Variants in RNF130 observed in about 807,000 individuals in gnomAD.
The protein encoded by RNF130 is E3 ubiquitin-protein ligase RNF130.
RNF130 carries 21 observed loss-of-function variants against 44.6 expected under a neutral mutation model. The observed-to-expected ratio is 0.47, with a 90% CI of 0.33 to 0.68. RNF130 has a LOEUF of 0.68. RNF130 is among the 30% of genes least tolerant of loss of function. RNF130 has a pLI of 0.02. For synonymous variants in RNF130, 214 were observed against 210.4 expected (o/e 1.02, Z -0.15); for missense variants, 479 against 560.6 (o/e 0.85, Z 1.47).
chr5:179,997,485 G>A (rs1279232761), intron 3 of RNF130, among the ~76,000 whole-genome samples: 5 of 151,774 alleles, frequency 3.3e-5, no homozygotes, highest in African/African-American at 7.3e-5. Flanking sequence ...CACCACACCC[G>A]GCTAATTTAT....
At chr5:179,926,743 G>A (rs968019776) in intron 7 of RNF130, among the ~76,000 whole-genome samples, 1 of 152,224 alleles carries the variant, frequency 6.6e-6, no homozygotes, top group Admixed American at 6.5e-5. Context: ...TGGGCACCCT[G>A]ACTCATAGCC....
intron 7 of RNF130, among the ~76,000 whole-genome samples, chr5:179,922,065 G>A (rs981442655): frequency 6.6e-6 from 1 of 151,454 alleles, no homozygotes; most frequent in Non-Finnish European, 1.5e-5. Flanking sequence ...TGGCCCTACC[G>A]GCAGCCTATG....
chr5:179,999,800 A>G (rs141932286), intron 3 of RNF130, among the ~76,000 whole-genome samples: 2,031 of 152,322 alleles, frequency 0.013, 18 homozygotes, highest in Admixed American at 0.025. Flanking sequence ...TAAAAATTTC[A>G]TTTCACCAGT....
intron 1 of RNF130, among the ~76,000 whole-genome samples, chr5:180,046,013 C>T (rs906447934): frequency 1.3e-5 from 2 of 152,176 alleles, no homozygotes; most frequent in Non-Finnish European, 1.5e-5. Context: ...GGGCAGCGCT[C>T]GCCGGGGAGG....
chr5:179,939,935 CTTT>C (rs983574576), intron 7 of RNF130: 9 of 243,314 alleles, frequency 3.7e-5, no homozygotes, highest in South Asian at 2.2e-4. Flanking sequence ...TCTAATCCTT[CTTT>C]GTCATAAACG....
intron 2 of RNF130, among the ~76,000 whole-genome samples, chr5:180,031,452 A>C (rs1356605031): frequency 6.6e-6 from 1 of 151,968 alleles, no homozygotes; most frequent in Non-Finnish European, 1.5e-5. Flanking sequence ...ACACCACTGC[A>C]CTCCAGCCTG....
At chr5:179,978,320 G>T in intron 4 of RNF130, 35 bp from the exon 5 acceptor site, 2 of 1,390,308 alleles carry the variant, frequency 1.4e-6, no homozygotes, top group Non-Finnish European at 2.0e-6. Flanking sequence ...AAAGTCACAC[G>T]CTGCAAGTAT....
At chr5:180,064,981 A>G (rs950613829) in intron 1 of RNF130, among the ~76,000 whole-genome samples, 8 of 152,174 alleles carry the variant, frequency 5.3e-5, no homozygotes, top group Non-Finnish European at 1.2e-4. Context: ...AGCTTGCTTC[A>G]TATTTGGACC....
intron 2 of RNF130, among the ~76,000 whole-genome samples, chr5:180,027,096 C>T (rs1156290500): frequency 6.6e-6 from 1 of 152,210 alleles, no homozygotes; most frequent in Non-Finnish European, 1.5e-5. Flanking sequence ...TGCCAAACCA[C>T]TGCTTCTGCC....
At chr5:179,950,841 C>T (rs1762114060), downstream of RNF130, among the ~76,000 whole-genome samples, 1 of 152,122 alleles carries the variant, frequency 6.6e-6, no homozygotes, top group Non-Finnish European at 1.5e-5. Context: ...CTTCTGATGA[C>T]TGCTGATGAA....
At chr5:179,941,693 A>G (rs554482253) in intron 7 of RNF130, among the ~76,000 whole-genome samples, 45 of 152,340 alleles carry the variant, frequency 3.0e-4, no homozygotes, top group African/African-American at 1.1e-3. Context: ...TCCTCAAGTC[A>G]TCACTGCACT....
chr5:179,932,279 A>G (rs906693160), intron 7 of RNF130, among the ~76,000 whole-genome samples: 5 of 152,110 alleles, frequency 3.3e-5, no homozygotes, highest in Non-Finnish European at 7.4e-5. Flanking sequence ...TTTATTTGAG[A>G]GGGAGTCTCG....
rs757730866 is a variant in RNF130 at position 179,978,337 on chromosome 5, G to A, written c.766-52C>T. The A allele has an allele frequency of 2.0e-5, 24 of 1,198,096 alleles. 1 individual carries two copies. The South Asian group carries it at 2.4e-4, about 12-fold the overall frequency. The allele number at this position is 1,198,096 out of a possible 1,614,324, so 74.2% of individuals were successfully genotyped here. Reference sequence around the variant, plus strand: ...AGTCACACGCTGCAAGTATATAAATGGTTGGGATGCAATTCAGCTCAGAAT... The same window carrying A: ...AGTCACACGCTGCAAGTATATAAATAGTTGGGATGCAATTCAGCTCAGAAT... On this transcript the variant is annotated intron_variant, in intron 4 of 8. Coordinates refer to ENST00000521389, the MANE Select transcript of RNF130 (RefSeq NM_018434.6).
intron 2 of RNF130, among the ~76,000 whole-genome samples, chr5:180,028,503 C>G (rs1169667791): frequency 6.6e-6 from 1 of 152,172 alleles, no homozygotes; most frequent in Admixed American, 6.5e-5. Context: ...AAGTAATCCT[C>G]ATTATGCAGG....
At chr5:180,067,483 A>G (rs1765135123) in intron 1 of RNF130, among the ~76,000 whole-genome samples, 1 of 152,218 alleles carries the variant, frequency 6.6e-6, no homozygotes, top group South Asian at 2.1e-4. Flanking sequence ...TAAGAGAGAA[A>G]TGGGGTGGTA....
At chr5:180,035,471 T>C (rs1373399774) in intron 2 of RNF130, among the ~76,000 whole-genome samples, 1 of 152,244 alleles carries the variant, frequency 6.6e-6, no homozygotes, top group Non-Finnish European at 1.5e-5. Flanking sequence ...TGAATGTGTA[T>C]TCTAGTCAGT....
At position 180,055,270 on chromosome 5, in the gene RNF130, A is replaced by AAC. The variant is rs1764785642; in HGVS notation, c.248-14624_248-14623insGT. On this transcript the variant is annotated intron_variant, in intron 1 of 8. Transcript: ENST00000521389. ...TCTCAAAAAAAAAAAAAAAAAAAAA[A>AAC]AAAAAAAAAACAAAAAAAAACAGCA... Among the ~76,000 whole-genome samples the AAC allele has an allele frequency of 2.7e-4, 5 of 18,338 alleles. No homozygotes were observed. The Admixed American group carries it at 3.5e-3, about 13-fold the overall frequency. 12.0% of individuals were successfully genotyped at this position (18,338 alleles called of 152,430 possible). A position where few individuals can be genotyped will look rare whatever the true frequency, so the allele number is the denominator to read the frequency against.
rs1561709812 is a variant in RNF130 at position 180,055,453 on chromosome 5, C to CT, written c.248-14807_248-14806insA. Among the ~76,000 whole-genome samples the CT allele has an allele frequency of 2.3e-3, 211 of 91,862 alleles. 1 individual carries two copies. Among genetic ancestry groups the CT allele is most frequent in the African/African-American group, 8.1e-3 (204 of 25,290 alleles). 60.3% of individuals were successfully genotyped at this position (91,862 alleles called of 152,430 possible). A position where few individuals can be genotyped will look rare whatever the true frequency, so the allele number is the denominator to read the frequency against. ...TGTCAGATGACTTTGTGTGTGTGTGCGTGTGTGTGTGTGTGTGCGCGCGCG... is the reference window on the plus strand; with the variant it reads ...TGTCAGATGACTTTGTGTGTGTGTGCTGTGTGTGTGTGTGTGTGCGCGCGCG... On this transcript the variant is annotated intron_variant, in intron 1 of 8. Transcript: ENST00000521389.
At chr5:179,970,654 T>C in intron 5 of RNF130, 148 bp from the exon 6 acceptor site, 2 of 637,834 alleles carry the variant, frequency 3.1e-6, no homozygotes, top group Non-Finnish European at 5.5e-6. Context: ...TGGGAATTTA[T>C]TAAAATATAA....
Sources: allele counts gnomAD v4.1 joint callset (sites outside exome capture counted in the v4.1 genomes callset), GRCh38; gene constraint gnomAD v4.1.1; transcripts MANE v1.5; gene names NCBI Gene and HGNC (gene_info 2026-07-23, HGNC 2026-07-21).